Variants in FGD4 observed in about 807,000 individuals in gnomAD.
The protein encoded by FGD4 is FYVE, RhoGEF and PH domain containing 4.
Under a neutral mutation model 102.0 loss-of-function variants are expected in FGD4, and 42 were observed. That is an observed-to-expected ratio of 0.41 (90% confidence interval 0.32 to 0.53). The LOEUF is 0.53. FGD4 is among the 20% of genes least tolerant of loss of function. The pLI is 0.21. For missense variants in FGD4, 902 were observed against 1,078.2 expected, an observed-to-expected ratio of 0.84 and a Z score of 2.29; for synonymous variants, 380 against 375.7, an observed-to-expected ratio of 1.01 and a Z score of -0.13.
At chr12:32,442,446 T>A (rs1237245334) in intron 1 of FGD4, among the ~76,000 whole-genome samples, 2 of 152,162 alleles carry the variant, frequency 1.3e-5, no homozygotes, top group Non-Finnish European at 2.9e-5. Flanking sequence ...TTGGTTCTTA[T>A]GAAGGTGTTT....
intron 1 of FGD4, among the ~76,000 whole-genome samples, chr12:32,500,406 T>G (rs1297061177): frequency 3.9e-5 from 2 of 50,940 alleles, no homozygotes; most frequent in Non-Finnish European, 8.2e-5. Flanking sequence ...TATTTTATTT[T>G]ATTTTATTTT....
Position 32,625,885 on chromosome 12 carries a change from A to C in FGD4, c.2172+106A>C. 3 of 1,509,280 alleles carry C rather than the reference A, an allele frequency of 2.0e-6. No individual in the cohort carries two copies. In the South Asian group the frequency reaches 3.4e-5, roughly 17 times the overall value. The allele number at this position is 1,509,280 out of a possible 1,614,324, so 93.5% of individuals were successfully genotyped here. On this transcript the variant is annotated intron_variant, in intron 14 of 16. Transcript: ENST00000534526. ...AATGACTTTCAACAAATCACTTAAT[A>C]AATTTATTTTGGTGCCAATTACGTG...
intron 1 of FGD4, among the ~76,000 whole-genome samples, chr12:32,473,065 C>G (rs184212625): frequency 6.6e-6 from 1 of 151,524 alleles, no homozygotes; most frequent in Non-Finnish European, 1.5e-5. Flanking sequence ...ACCTGTGTGT[C>G]CAAACTCTGT....
intron 1 of FGD4, chr12:32,486,098 T>A (rs1943891766): frequency 3.3e-6 from 5 of 1,527,796 alleles, no homozygotes; most frequent in Non-Finnish European, 4.4e-6. Context: ...AATAGGTTAA[T>A]CAGAAGATTG....
At chr12:32,492,431 T>A (rs1211842978) in intron 1 of FGD4, among the ~76,000 whole-genome samples, 2 of 152,216 alleles carry the variant, frequency 1.3e-5, no homozygotes, top group Non-Finnish European at 2.9e-5. Context: ...TGTCACACAA[T>A]AACTTTCAGA....
rs1411372303 is a variant in FGD4, at chr12:32,640,447, G to T, written c.2626G>T (p.Val876Phe). The change falls in exon 17 of 17, where the codon GTC becomes TTC. Residue 876 changes from valine (V) to phenylalanine (F), a missense_variant. This residue lies in a region of FGD4 where 459 missense variants were observed against 619.0 expected (regional missense o/e 0.74). Transcript: ENST00000534526. ...QKWLKVILLA[V>F]TGETPGGPNE... ...GTGGCTGAAAGTCATCCTTTTAGCT[G>T]TCACAGGTGAGACACCAGGTGGTCC... 6.2e-7 allele frequency: 1 copy of T among 1,614,168 alleles called. No individual in the cohort carries two copies. The highest frequency in any genetic ancestry group is 8.5e-7 in the Non-Finnish European group (1 of 1,180,032).
chr12:32,615,418 C>T (rs1021707587), intron 10 of FGD4, among the ~76,000 whole-genome samples: 2 of 152,036 alleles, frequency 1.3e-5, no homozygotes, highest in African/African-American at 4.8e-5. Context: ...ATGATTTGTA[C>T]ATTTTAAAAG....
At chr12:32,603,178 G>A (rs547413867) in intron 7 of FGD4, among the ~76,000 whole-genome samples, 2 of 152,068 alleles carry the variant, frequency 1.3e-5, no homozygotes, top group South Asian at 4.1e-4. Flanking sequence ...GTTATGGAAG[G>A]ATATGAGAAA....
intron 1 of FGD4, among the ~76,000 whole-genome samples, chr12:32,404,521 A>G (rs986413397): frequency 3.3e-5 from 5 of 152,108 alleles, no homozygotes; most frequent in Non-Finnish European, 5.9e-5. Flanking sequence ...AGTTTCAGAA[A>G]GTCCTATTGC....
At chr12:32,585,182 TC>T (rs1281718741) in intron 4 of FGD4, among the ~76,000 whole-genome samples, 2 of 147,858 alleles carry the variant, frequency 1.4e-5, no homozygotes, top group East Asian at 4.0e-4. Context: ...ACCACAGCGC[TC>T]CAGGCTAGGT....
At chr12:32,591,081 A>C (rs1049784831) in intron 4 of FGD4, among the ~76,000 whole-genome samples, 1 of 152,226 alleles carries the variant, frequency 6.6e-6, no homozygotes, top group Non-Finnish European at 1.5e-5. Flanking sequence ...TCATTCCCTA[A>C]GTTGACTCAA....
chr12:32,541,891 A>G (rs1043609199), intron 1 of FGD4, among the ~76,000 whole-genome samples: 5 of 152,186 alleles, frequency 3.3e-5, no homozygotes, highest in African/African-American at 1.2e-4. Context: ...TCCCACAGTC[A>G]AAATAATCAT....
intron 1 of FGD4, among the ~76,000 whole-genome samples, chr12:32,470,455 T>C (rs1286476171): frequency 6.7e-6 from 1 of 149,340 alleles, no homozygotes; most frequent in East Asian, 2.0e-4. Flanking sequence ...GTTTTCTTTT[T>C]TCTTTTTCTT....
intron 1 of FGD4, among the ~76,000 whole-genome samples, chr12:32,514,739 A>G (rs1239803646): frequency 6.6e-6 from 1 of 152,180 alleles, no homozygotes; most frequent in Non-Finnish European, 1.5e-5. Flanking sequence ...ATTTATAAAA[A>G]TTCAATGTAA....
chr12:32,484,733 G>C (rs1047145314), intron 1 of FGD4, among the ~76,000 whole-genome samples: 6 of 151,992 alleles, frequency 3.9e-5, no homozygotes, highest in African/African-American at 1.5e-4. Context: ...TTAGCCAGAC[G>C]TGCTGGTGGG....
Position 32,601,448 on chromosome 12 carries a change from T to C in FGD4, c.1247+25T>C, listed in dbSNP as rs770738397. The C allele has an allele frequency of 1.2e-5, 19 of 1,608,200 alleles. No homozygotes were observed. The Admixed American group carries it at 3.2e-4, about 27-fold the overall frequency. On this transcript the variant is annotated intron_variant, in intron 6 of 16. Coordinates refer to ENST00000534526, the MANE Select transcript of FGD4 (RefSeq NM_001370298.3). ...GGTAAGAGGAGTAGATAGAAAATGA[T>C]ATGTTTAAGGCAGTCATGCTGTATT...
intron 1 of FGD4, among the ~76,000 whole-genome samples, chr12:32,449,680 C>A (rs1348724349): frequency 6.6e-6 from 1 of 152,110 alleles, no homozygotes; most frequent in Non-Finnish European, 1.5e-5. Context: ...TGTGAAATTT[C>A]TTTTCTTCTT....
chr12:32,573,032 CT>C (rs1056857570), intron 2 of FGD4, among the ~76,000 whole-genome samples: 1 of 152,210 alleles, frequency 6.6e-6, no homozygotes, highest in Admixed American at 6.5e-5. Flanking sequence ...CTTCTACCAT[CT>C]GTTGTCATTT....
intron 1 of FGD4, among the ~76,000 whole-genome samples, chr12:32,407,218 C>T (rs1263833513): frequency 6.6e-6 from 1 of 150,436 alleles, no homozygotes; most frequent in Non-Finnish European, 1.5e-5. Flanking sequence ...CTCCCCCTCC[C>T]GGGTTCAAAT....
Sources: allele counts gnomAD v4.1 joint callset (sites outside exome capture counted in the v4.1 genomes callset), GRCh38; gene constraint gnomAD v4.1.1; regional missense constraint gnomAD v4.1.1; transcripts MANE v1.5; gene names NCBI Gene and HGNC (gene_info 2026-07-23, HGNC 2026-07-21).